Variants in PHF20L1 observed in about 807,000 individuals in gnomAD.
PHF20L1 encodes PHD finger protein 20 like 1.
A neutral mutation model predicts 125.5 loss-of-function variants in PHF20L1; 44 were observed. The ratio of observed to expected loss-of-function variants is 0.35; its 90% CI spans 0.28 to 0.45. The LOEUF is 0.45. Among genes scored for constraint, PHF20L1 ranks in the 20% least tolerant of loss-of-function variants. The pLI, the probability that PHF20L1 is intolerant of heterozygous loss-of-function variation, is 1.00. For missense variants in PHF20L1, 1,012 were observed against 1,217.2 expected (o/e 0.83, Z 2.51); for synonymous variants, 380 against 403.1 (o/e 0.94, Z 0.69).
At chr8:132,790,093 C>T (rs1831499942) in intron 2 of PHF20L1, among the ~76,000 whole-genome samples, 1 of 152,152 alleles carries the variant, frequency 6.6e-6, no homozygotes. Context: ...TCCTATGATT[C>T]AACCTTTAAA....
rs1207136278 is a variant in PHF20L1 at position 132,840,472 on chromosome 8, G to A, written c.2387+890G>A. Among the ~76,000 whole-genome samples, 6 of 152,058 alleles carry A rather than the reference G, an allele frequency of 3.9e-5. No individual in the cohort carries two copies. In the South Asian group the frequency reaches 8.3e-4, roughly 21 times the overall value. On this transcript the variant is annotated intron_variant, in intron 18 of 20. Transcript: ENST00000395386. ...ATTCTTTGTACTGCTGCCAGTGTAA[G>A]CTTAGTAAAAGATAAATATCAGCTT... is the stretch of plus-strand genomic sequence containing the variant.
chr8:132,837,622 C>G, intron 16 of PHF20L1, 90 bp from the exon 17 acceptor site: 1 of 979,944 alleles, frequency 1.0e-6, no homozygotes, highest in Admixed American at 1.9e-5. Flanking sequence ...GAAGCCAAGC[C>G]AGCCAATTCA....
intron 12 of PHF20L1, among the ~76,000 whole-genome samples, chr8:132,820,050 A>G (rs1005934422): frequency 6.6e-6 from 1 of 151,846 alleles, no homozygotes; most frequent in African/African-American, 2.4e-5. Context: ...CAATAGAGAT[A>G]ATGAACTTGC....
At chr8:132,784,908 TAGAG>T (rs1428884950) in intron 2 of PHF20L1, among the ~76,000 whole-genome samples, 6 of 152,198 alleles carry the variant, frequency 3.9e-5, no homozygotes, top group East Asian at 1.9e-4. Flanking sequence ...TCATTGGAAT[TAGAG>T]AGCTTGAGCA....
At chr8:132,845,067 C>T (rs567645966) in intron 20 of PHF20L1, among the ~76,000 whole-genome samples, 2 of 151,958 alleles carry the variant, frequency 1.3e-5, no homozygotes, top group Non-Finnish European at 2.9e-5. Context: ...ATTTTAGAAG[C>T]CTCTTCCATC....
At chr8:132,795,300 T>C (rs1278388790) in intron 4 of PHF20L1, among the ~76,000 whole-genome samples, 1 of 152,154 alleles carries the variant, frequency 6.6e-6, no homozygotes, top group Non-Finnish European at 1.5e-5. Flanking sequence ...CTGTCATTAA[T>C]TTCTACAGAT....
At chr8:132,814,497 G>T in intron 9 of PHF20L1, 140 bp from the exon 10 acceptor site, 1 of 523,512 alleles carries the variant, frequency 1.9e-6, no homozygotes, top group Non-Finnish European at 3.1e-6. Flanking sequence ...GTTCTTTTTG[G>T]TTTTTCATTT....
intron 14 of PHF20L1, among the ~76,000 whole-genome samples, chr8:132,827,603 G>A (rs1323806514): frequency 1.3e-5 from 2 of 151,964 alleles, no homozygotes; most frequent in East Asian, 1.9e-4. Context: ...AGCAAAATAT[G>A]AGGGCTAGAG....
At chr8:132,777,225 T>A (rs955271163) in intron 1 of PHF20L1, among the ~76,000 whole-genome samples, 3 of 152,238 alleles carry the variant, frequency 2.0e-5, no homozygotes, top group African/African-American at 7.2e-5. Context: ...TCATGGGTAA[T>A]GAAAAATCCT....
At position 132,777,923 on chromosome 8, in the gene PHF20L1, A is replaced by G. The variant is rs373965506; in HGVS notation, c.83+12A>G. 3.7e-5 allele frequency: 57 copies of G among 1,531,900 alleles called. No individual in the cohort carries two copies. The African/African-American group carries it at 5.6e-4, about 15-fold the overall frequency. 94.9% of individuals were successfully genotyped at this position (1,531,900 alleles called of 1,614,324 possible). Reference sequence around the variant, plus strand: ...TACTTACAAAAATGGTATGGAAAATATAGAACTTTCACCTAAATATCACAA... The same window carrying G: ...TACTTACAAAAATGGTATGGAAAATGTAGAACTTTCACCTAAATATCACAA... On this transcript the variant is annotated intron_variant, in intron 2 of 20. Coordinates refer to ENST00000395386, the MANE Select transcript of PHF20L1 (RefSeq NM_016018.5).
intron 5 of PHF20L1, 75 bp from the exon 6 acceptor site, chr8:132,799,020 A>G (rs1375002603): frequency 1.0e-5 from 14 of 1,350,818 alleles, no homozygotes; most frequent in Non-Finnish European, 1.1e-5. Context: ...TAGACTGTAA[A>G]ATAAATTATA....
At chr8:132,788,449 A>G (rs1831302844) in intron 2 of PHF20L1, among the ~76,000 whole-genome samples, 1 of 152,074 alleles carries the variant, frequency 6.6e-6, no homozygotes, top group Admixed American at 6.6e-5. Flanking sequence ...TCTTTTCGTG[A>G]ATTCTCATGG....
At chr8:132,790,412 C>T (rs1218786744) in intron 2 of PHF20L1, among the ~76,000 whole-genome samples, 1 of 152,130 alleles carries the variant, frequency 6.6e-6, no homozygotes, top group Non-Finnish European at 1.5e-5. Context: ...TTTTTCCTCT[C>T]GCAGTGTAAC....
At chr8:132,807,556 T>C (rs1833875103) in intron 8 of PHF20L1, 2 of 354,426 alleles carry the variant, frequency 5.6e-6, no homozygotes, top group South Asian at 4.4e-5. Flanking sequence ...TAGTATGTTA[T>C]TGATAATAAT....
chr8:132,831,201 T>A (rs1836738277), intron 14 of PHF20L1, among the ~76,000 whole-genome samples: 2 of 152,080 alleles, frequency 1.3e-5, no homozygotes, highest in Admixed American at 1.3e-4. Context: ...TGACTTTTTA[T>A]TGCATTAGGG....
intron 6 of PHF20L1, among the ~76,000 whole-genome samples, chr8:132,801,435 C>T (rs1278541650): frequency 1.3e-5 from 2 of 151,726 alleles, no homozygotes; most frequent in African/African-American, 4.8e-5. Context: ...ATTCCTTTAA[C>T]CCAAAGTTTC....
intron 13 of PHF20L1, chr8:132,824,957 G>A: frequency 8.2e-7 from 1 of 1,218,112 alleles, no homozygotes; most frequent in African/African-American, 1.5e-5. Context: ...AAATTATGGA[G>A]TTTAACTTCT....
At chr8:132,825,476 C>G (rs775837812) in intron 14 of PHF20L1, 105 bp downstream of exon 14, 18 of 879,554 alleles carry the variant, frequency 2.0e-5, no homozygotes, top group Non-Finnish European at 2.4e-5. Flanking sequence ...CCCCGTGTCC[C>G]GTGTTGAGAA....
chr8:132,794,611 T>C, intron 3 of PHF20L1, 30 bp downstream of exon 3: 1 of 1,563,922 alleles, frequency 6.4e-7, no homozygotes, highest in South Asian at 1.1e-5. Context: ...TGTTTGCTAG[T>C]TTTGCCAGCT....
Sources: allele counts gnomAD v4.1 joint callset (sites outside exome capture counted in the v4.1 genomes callset), GRCh38; gene constraint gnomAD v4.1.1; transcripts MANE v1.5; gene names NCBI Gene and HGNC (gene_info 2026-07-23, HGNC 2026-07-21).